The following IQGAP1 variants were observed in gnomAD, a reference collection of about 807,000 sequenced individuals.
IQGAP1 encodes the protein ras GTPase-activating-like protein IQGAP1.
A neutral mutation model predicts 215.6 loss-of-function variants in IQGAP1; 66 were observed. The observed-to-expected ratio is 0.31, with a 90% confidence interval of 0.25 to 0.38. The LOEUF is 0.38. Ranked by LOEUF, IQGAP1 falls within the 10% of genes least tolerant of loss-of-function variation. The pLI, the probability that IQGAP1 is intolerant of heterozygous loss-of-function variation, is 1.00. For synonymous variants in IQGAP1, 772 were observed against 728.7 expected, an observed-to-expected ratio of 1.06 and a Z score of -0.96; for missense variants, 1,712 against 1,997.1, an observed-to-expected ratio of 0.86 and a Z score of 2.72.
intron 2 of IQGAP1, among the ~76,000 whole-genome samples, chr15:90,416,577 ACT>A (rs1965051888): frequency 8.4e-6 from 1 of 119,216 alleles, no homozygotes; most frequent in Non-Finnish European, 1.7e-5. Flanking sequence ...TTGTTTCCTG[ACT>A]TTTTTTTTTT....
At chr15:90,492,400 G>C (rs1008569838) in intron 34 of IQGAP1, 145 bp from the exon 35 acceptor site, 3 of 595,904 alleles carry the variant, frequency 5.0e-6, no homozygotes, top group African/African-American at 2.1e-5. Flanking sequence ...GCACACTCGA[G>C]CCTGGGCAAC....
At chr15:90,473,513 TG>T in intron 19 of IQGAP1, 1 of 561,890 alleles carries the variant, frequency 1.8e-6, no homozygotes, top group East Asian at 3.1e-5. Context: ...GTGCTGACGT[TG>T]GGGAAGTAGA....
intron 15 of IQGAP1, among the ~76,000 whole-genome samples, chr15:90,463,052 C>T (rs143304613): frequency 3.0e-5 from 4 of 132,526 alleles, no homozygotes; most frequent in African/African-American, 1.1e-4. Flanking sequence ...TTTCTTCTTA[C>T]ACTGGGATGA....
intron 18 of IQGAP1, among the ~76,000 whole-genome samples, chr15:90,469,636 C>T (rs1208033331): frequency 1.3e-5 from 2 of 152,072 alleles, no homozygotes; most frequent in African/African-American, 2.4e-5. Context: ...TAATGTAAGG[C>T]AGAGAGAAGT....
chr15:90,457,451 G>A (rs1252073255), intron 15 of IQGAP1, among the ~76,000 whole-genome samples: 5 of 151,242 alleles, frequency 3.3e-5, no homozygotes, highest in Non-Finnish European at 7.4e-5. Flanking sequence ...TTTTGAGACG[G>A]AGTCTTGCTC....
chr15:90,443,924 C>G (rs1411860529), intron 9 of IQGAP1, among the ~76,000 whole-genome samples: 1 of 151,976 alleles, frequency 6.6e-6, no homozygotes, highest in East Asian at 1.9e-4. Context: ...ATTAGCCGGG[C>G]ATGGTGGCGT....
chr15:90,454,197 C>G (rs10520686), intron 13 of IQGAP1, among the ~76,000 whole-genome samples: 24,730 of 152,130 alleles, frequency 0.16, 2,797 homozygotes, highest in East Asian at 0.48. Context: ...ATTGCTTGAA[C>G]TGCTGCCTTT....
At chr15:90,418,876 G>C (rs902236870) in intron 2 of IQGAP1, among the ~76,000 whole-genome samples, 1 of 152,224 alleles carries the variant, frequency 6.6e-6, no homozygotes, top group African/African-American at 2.4e-5. Flanking sequence ...ATACTGGTTC[G>C]TGGCTCACGC....
chr15:90,478,180 T>A (rs28539372), intron 26 of IQGAP1, among the ~76,000 whole-genome samples: 62,560 of 151,772 alleles, frequency 0.41, 14,585 homozygotes, highest in African/African-American at 0.65. Flanking sequence ...TTAGTAAGAC[T>A]GGGTTTCACC....
intron 17 of IQGAP1, among the ~76,000 whole-genome samples, 181 bp from the exon 18 acceptor site, chr15:90,467,269 A>G (rs1417570672): frequency 6.6e-6 from 1 of 152,210 alleles, no homozygotes; most frequent in Non-Finnish European, 1.5e-5. Flanking sequence ...TAAATTAGTC[A>G]TTACAAAGCC....
chr15:90,421,804 G>A (rs1225606926), intron 2 of IQGAP1, among the ~76,000 whole-genome samples: 4 of 152,124 alleles, frequency 2.6e-5, no homozygotes, highest in Non-Finnish European at 5.9e-5. Flanking sequence ...GGGATTGCAG[G>A]CATACTCCAC....
chr15:90,465,361 C>T (rs748941614), intron 15 of IQGAP1, among the ~76,000 whole-genome samples: 1 of 152,190 alleles, frequency 6.6e-6, no homozygotes, highest in African/African-American at 2.4e-5. Flanking sequence ...TACCCTGGCC[C>T]TTGTCACCCT....
intron 5 of IQGAP1, among the ~76,000 whole-genome samples, chr15:90,437,392 A>G (rs910620008): frequency 6.6e-6 from 1 of 152,224 alleles, no homozygotes; most frequent in African/African-American, 2.4e-5. Context: ...CTTGTTCGCT[A>G]TTTCCAAGTA....
intron 13 of IQGAP1, 128 bp downstream of exon 13, chr15:90,453,420 C>T: frequency 1.5e-6 from 1 of 664,690 alleles, no homozygotes; most frequent in African/African-American, 1.9e-5. Context: ...TTTGGTTCTA[C>T]TTTGATTCAC....
In IQGAP1 at chr15:90,486,923, G is replaced by A. The variant is rs114062063; in HGVS notation, c.4025-31G>A. 3.1e-3 allele frequency: 5,033 copies of A among 1,606,716 alleles called. 103 individuals carry two copies. In the African/African-American group the frequency reaches 0.051, roughly 16 times the overall value. ...CCCCAATATCTCCTCTCTTTATTAC[G>A]CTGACTCTTTCCACCCTCCCAAAAC... is the stretch of plus-strand genomic sequence containing the variant. On this transcript the variant is annotated intron_variant, in intron 31 of 37. Coordinates refer to ENST00000268182, the MANE Select transcript of IQGAP1 (RefSeq NM_003870.4).
intron 2 of IQGAP1, among the ~76,000 whole-genome samples, chr15:90,401,382 A>T (rs1964802263): frequency 6.6e-6 from 1 of 152,246 alleles, no homozygotes; most frequent in African/African-American, 2.4e-5. Flanking sequence ...TATTTCAATA[A>T]GGCATTTTAT....
At chr15:90,454,288 A>G (rs1274555676) in intron 13 of IQGAP1, 140 bp from the exon 14 acceptor site, 7 of 794,940 alleles carry the variant, frequency 8.8e-6, no homozygotes, top group Non-Finnish European at 2.0e-6. Flanking sequence ...GCATTTTTGC[A>G]CTTTGTTTAA....
chr15:90,498,524 T>G (rs1966301724), intron 37 of IQGAP1, among the ~76,000 whole-genome samples: 1 of 152,212 alleles, frequency 6.6e-6, no homozygotes, highest in African/African-American at 2.4e-5. Flanking sequence ...TTTATTAATT[T>G]ATGTACAAAT....
intron 11 of IQGAP1, among the ~76,000 whole-genome samples, chr15:90,450,330 C>CTTTTTT (rs869037347): frequency 1.1e-4 from 6 of 54,460 alleles, no homozygotes; most frequent in African/African-American, 1.6e-4. Flanking sequence ...TATACACTAC[C>CTTTTTT]TTTTTTTTTT....
Sources: gnomAD v4.1 joint callset for allele counts (sites outside exome capture counted in the v4.1 genomes callset) on GRCh38, gnomAD v4.1.1 for gene constraint, MANE v1.5 for transcripts, NCBI Gene and HGNC (gene_info 2026-07-23, HGNC 2026-07-21) for gene names.